Variants in RGS5 observed in about 807,000 individuals in gnomAD.
RGS5 encodes the protein regulator of G protein signaling 5.
Under a neutral mutation model 18.9 loss-of-function variants are expected in RGS5, and 20 were observed. The ratio of observed to expected loss-of-function variants is 1.06; its 90% CI spans 0.74 to 1.54. RGS5 has a LOEUF of 1.54. Among genes scored for constraint, RGS5 ranks in the 40% most tolerant of loss-of-function variants. The pLI is 0.00. For missense variants in RGS5, 201 were observed against 211.8 expected (o/e 0.95, Z 0.32); for synonymous variants, 57 against 76.2 (o/e 0.75, Z 1.31).
chr1:163,296,769 G>T (rs1294000793), intron 2 of RGS5, among the ~76,000 whole-genome samples: 1 of 152,132 alleles, frequency 6.6e-6, no homozygotes, highest in Non-Finnish European at 1.5e-5. Flanking sequence ...CAGGAATATG[G>T]CAGTGCTCAA....
upstream of RGS5, among the ~76,000 whole-genome samples, chr1:163,204,389 C>G (rs940678578): frequency 4.0e-5 from 6 of 151,802 alleles, no homozygotes; most frequent in Admixed American, 3.9e-4. Flanking sequence ...GTTACCCAGA[C>G]CAGAGACTGG....
chr1:163,200,270 A>G (rs188789105), intron 1 of RGS5, among the ~76,000 whole-genome samples: 1 of 152,302 alleles, frequency 6.6e-6, no homozygotes, highest in African/African-American at 2.4e-5. Flanking sequence ...TTGTAAAGTG[A>G]ATTATATTTC....
intron 3 of RGS5, among the ~76,000 whole-genome samples, chr1:163,154,138 A>G (rs1417089600): frequency 6.6e-6 from 1 of 151,944 alleles, no homozygotes; most frequent in Non-Finnish European, 1.5e-5. Context: ...TACGTTCTGA[A>G]TTCATTTCCT....
intron 1 of RGS5, among the ~76,000 whole-genome samples, chr1:163,176,302 T>C (rs1658552801): frequency 6.6e-6 from 1 of 152,198 alleles, no homozygotes; most frequent in Admixed American, 6.5e-5. Flanking sequence ...GCTGACTTAA[T>C]TTCTTAGGAC....
At chr1:163,267,542 G>A (rs12729035) in intron 2 of RGS5, among the ~76,000 whole-genome samples, 22,254 of 152,050 alleles carry the variant, frequency 0.15, 1,950 homozygotes, top group Non-Finnish European at 0.19. Context: ...CAAATTGAAA[G>A]CATCTGGATG....
chr1:163,263,489 A>G (rs1239753305), intron 2 of RGS5, among the ~76,000 whole-genome samples: 1 of 152,196 alleles, frequency 6.6e-6, no homozygotes, highest in Non-Finnish European at 1.5e-5. Flanking sequence ...AACACCTGCC[A>G]TATTCTAACC....
In RGS5 at chr1:163,146,479, T is replaced by TA. The variant is rs1657134507; in HGVS notation, c.*862_*863insT. On this transcript the variant is annotated 3_prime_UTR_variant, in exon 5 of 5. Transcript: ENST00000313961. ...GGAGACTACTCCAATGGAGCAACAG[T>TA]TTCATTTTACATGATTGGATTTAGA... 6.6e-6 allele frequency: 1 copy of TA among 152,170 alleles called. No homozygotes were observed. Among genetic ancestry groups the TA allele is most frequent in the Non-Finnish European group, 1.5e-5 (1 of 68,008 alleles). The allele number at this position is 152,170 out of a possible 1,614,324, so 9.4% of individuals were successfully genotyped here.
chr1:163,203,641 C>T (rs1175117509), upstream of RGS5, among the ~76,000 whole-genome samples: 1 of 152,106 alleles, frequency 6.6e-6, no homozygotes, highest in Non-Finnish European at 1.5e-5. Context: ...AGACCAAACA[C>T]CAAAATCTTA....
At position 163,146,557 on chromosome 1, in the gene RGS5, A is replaced by G. The variant is rs781077001; in HGVS notation, c.*785T>C. 2.6e-5 allele frequency: 4 copies of G among 152,222 alleles called. No homozygotes were observed. Among genetic ancestry groups the G allele is most frequent in the African/African-American group, 4.8e-5 (2 of 41,470 alleles). The allele number at this position is 152,222 out of a possible 1,614,324, so 9.4% of individuals were successfully genotyped here. On this transcript the variant is annotated 3_prime_UTR_variant, in exon 5 of 5. Transcript: ENST00000313961. Reference sequence around the variant, plus strand: ...TTCTAAATAATTTGAAAATGGAAACATTTGACCCACAGTCTAGCAGCATAA... The same window carrying G: ...TTCTAAATAATTTGAAAATGGAAACGTTTGACCCACAGTCTAGCAGCATAA...
At chr1:163,245,681 C>A (rs1190446712) in intron 2 of RGS5, among the ~76,000 whole-genome samples, 2 of 152,052 alleles carry the variant, frequency 1.3e-5, no homozygotes, top group African/African-American at 4.8e-5. Flanking sequence ...CTTTGAATTC[C>A]TGATTATGCA....
intron 1 of RGS5, among the ~76,000 whole-genome samples, chr1:163,306,879 C>G (rs1016304587): frequency 9.9e-5 from 15 of 152,118 alleles, no homozygotes; most frequent in African/African-American, 3.4e-4. Context: ...TCACAGCCCT[C>G]AGAAGGCATC....
chr1:163,302,278 T>C (rs1299497794), intron 2 of RGS5, among the ~76,000 whole-genome samples: 2 of 151,552 alleles, frequency 1.3e-5, no homozygotes, highest in Non-Finnish European at 2.9e-5. Flanking sequence ...TTGTAGTCTT[T>C]TGTATATGCA....
chr1:163,291,584 A>G (rs1361938305), intron 2 of RGS5, among the ~76,000 whole-genome samples: 1 of 152,210 alleles, frequency 6.6e-6, no homozygotes, highest in African/African-American at 2.4e-5. Flanking sequence ...TATAGAATCT[A>G]AGATTGGCCT....
At chr1:163,298,302 GGA>G (rs1391066635) in intron 2 of RGS5, among the ~76,000 whole-genome samples, 3 of 152,038 alleles carry the variant, frequency 2.0e-5, no homozygotes, top group Non-Finnish European at 4.4e-5. Flanking sequence ...ATTGTTTAGG[GGA>G]GAGAAAATCT....
At chr1:163,207,845 A>T (rs1557905596), upstream of RGS5, among the ~76,000 whole-genome samples, 1 of 152,200 alleles carries the variant, frequency 6.6e-6, no homozygotes, top group African/African-American at 2.4e-5. Context: ...AGAAAAGTGT[A>T]TGTACAAAGG....
chr1:163,149,361 A>G (rs1657284281), intron 4 of RGS5, among the ~76,000 whole-genome samples: 1 of 152,172 alleles, frequency 6.6e-6, no homozygotes, highest in South Asian at 2.1e-4. Flanking sequence ...TATTAAGTAT[A>G]TATCTGTACT....
At chr1:163,238,885 C>CA in intron 2 of RGS5, 1 of 169,946 alleles carries the variant, frequency 5.9e-6, no homozygotes. Context: ...GAAGACTGCA[C>CA]AAAAAAAGAA....
chr1:163,236,787 C>A (rs1170785497), intron 2 of RGS5, among the ~76,000 whole-genome samples: 1 of 151,984 alleles, frequency 6.6e-6, no homozygotes, highest in African/African-American at 2.4e-5. Context: ...ATGGTGAAAA[C>A]CCATCTCTAC....
At position 163,172,295 on chromosome 1, in the gene RGS5, C is replaced by T. The variant is rs4282791; in HGVS notation, c.45-3927G>A. 2.3e-3 allele frequency among the ~76,000 whole-genome samples: 345 copies of T among 152,302 alleles called. 3 individuals are homozygous for T. Among genetic ancestry groups the T allele is most frequent in the African/African-American group, 7.9e-3 (330 of 41,574 alleles). On this transcript the variant is annotated intron_variant, in intron 1 of 4. Transcript: ENST00000313961. ...TGTATTTAAAGACGTGGCATCCTAT[C>T]ATATGAACACAATGTATCTCACATT...
Sources: gnomAD v4.1 joint callset for allele counts (sites outside exome capture counted in the v4.1 genomes callset) on GRCh38, gnomAD v4.1.1 for gene constraint, MANE v1.5 for transcripts, NCBI Gene and HGNC (gene_info 2026-07-23, HGNC 2026-07-21) for gene names.